The following SCUBE1 variants were observed in gnomAD, a reference collection of about 807,000 sequenced individuals.
The protein encoded by SCUBE1 is signal peptide, CUB domain and EGF like domain containing 1, also known as signal peptide, CUB and EGF-like domain-containing protein 1.
A neutral mutation model predicts 124.4 loss-of-function variants in SCUBE1; 59 were observed. The observed-to-expected ratio is 0.47, with a 90% CI of 0.38 to 0.59. SCUBE1 has a LOEUF of 0.59. Ranked by LOEUF, SCUBE1 falls within the 20% of genes least tolerant of loss-of-function variation. SCUBE1 has a pLI of 0.00. For missense variants in SCUBE1, 1,150 were observed against 1,371.2 expected, an observed-to-expected ratio of 0.84 and a Z score of 2.55; for synonymous variants, 545 against 550.9, an observed-to-expected ratio of 0.99 and a Z score of 0.15.
In SCUBE1 at chr22:43,258,272, G is replaced by A. The variant is rs73420094; in HGVS notation, c.674C>T (p.Thr225Met). ...GGCGTACTTCTGGTGGCAACCACAC[G>A]TGGGGCCTGTGTCTGTGTCCTCACA... ...HSCEDTDTGP[T>M]CGCHQKYALH... Residue 225 changes from threonine (T) to methionine (M), a missense_variant, in exon 6 of 22, where the codon ACG (threonine) becomes ATG (methionine). Coordinates refer to ENST00000360835, the MANE Select transcript of SCUBE1 (RefSeq NM_173050.5). This position sits in a 1 kb window ranked among gnomAD's most constrained non-coding sequence, Gnocchi z 5.0. 10,664 of 1,614,102 alleles carry A rather than the reference G, an allele frequency of 6.6e-3. 239 individuals carry two copies. In the African/African-American group the frequency reaches 0.08, roughly 12 times the overall value.
chr22:43,226,515 G>A (rs1018622719), intron 10 of SCUBE1, among the ~76,000 whole-genome samples: 1 of 151,978 alleles, frequency 6.6e-6, no homozygotes, highest in Non-Finnish European at 1.5e-5. Flanking sequence ...GGCGTGAAGC[G>A]AGGGAGACAG....
intron 2 of SCUBE1, among the ~76,000 whole-genome samples, chr22:43,333,054 G>C (rs1010830953): frequency 1.3e-5 from 2 of 152,314 alleles, no homozygotes; most frequent in South Asian, 4.1e-4. Flanking sequence ...TCCAGGAGGA[G>C]ACGTGGGAAA....
intron 2 of SCUBE1, among the ~76,000 whole-genome samples, chr22:43,337,299 C>T (rs1013092195): frequency 3.3e-5 from 5 of 152,110 alleles, no homozygotes; most frequent in South Asian, 2.1e-4. Flanking sequence ...TAAGGCCTCC[C>T]GGGCAGGGGA....
chr22:43,312,913 G>C (rs534614532), intron 3 of SCUBE1, among the ~76,000 whole-genome samples: 1 of 152,200 alleles, frequency 6.6e-6, no homozygotes, highest in Non-Finnish European at 1.5e-5. Flanking sequence ...ACTATGGGGC[G>C]GGGGTGGGCA....
At position 43,294,532 on chromosome 22, in the gene SCUBE1, T is replaced by C. The variant is rs548938556; in HGVS notation, c.350-3352A>G. Among the ~76,000 whole-genome samples, 254 of 152,210 alleles carry C rather than the reference T, an allele frequency of 1.7e-3. 11 individuals carry two copies. In the South Asian group the frequency reaches 0.051, roughly 31 times the overall value. On this transcript the variant is annotated intron_variant, in intron 3 of 21. Transcript: ENST00000360835. ...CACACCGCCCCATGGTCCCCCAGCATTTGGCACACTCTATTATGAGAGGTG... is the reference window on the plus strand; with the variant it reads ...CACACCGCCCCATGGTCCCCCAGCACTTGGCACACTCTATTATGAGAGGTG...
At chr22:43,321,604 G>C (rs922234050) in intron 2 of SCUBE1, among the ~76,000 whole-genome samples, 1 of 152,238 alleles carries the variant, frequency 6.6e-6, no homozygotes, top group Non-Finnish European at 1.5e-5. Context: ...GCCACTCTTG[G>C]TGTCCACCCA....
Position 43,238,382 on chromosome 22 carries a change from G to A in SCUBE1, c.844+456C>T, listed in dbSNP as rs1412322866. 11 of 342,678 alleles carry A rather than the reference G, an allele frequency of 3.2e-5. No homozygotes were observed. The South Asian group carries it at 5.7e-4, about 18-fold the overall frequency. The allele number at this position is 342,678 out of a possible 1,614,324, so 21.2% of individuals were successfully genotyped here. A position where few individuals can be genotyped will look rare whatever the true frequency, so the allele number is the denominator to read the frequency against. On this transcript the variant is annotated intron_variant, in intron 7 of 21. Transcript: ENST00000360835. The stretch of plus-strand genomic sequence containing the variant: ...TTTTTCCTGGCATGAGTAGACCTGT[G>A]TGTCCCAGATGGCCCAACACCAGAC...
rs1292850300 is a variant in SCUBE1 at position 43,212,605 on chromosome 22, G to C, written c.2054-13C>G. 9 of 1,558,918 alleles carry C rather than the reference G, an allele frequency of 5.8e-6. No homozygotes were observed. On this transcript the variant is annotated splice_polypyrimidine_tract_variant and intron_variant, in intron 16 of 21. Transcript: ENST00000360835. ...GGAGAACACTGGCCTGAAAGTCAGAGGTCATGGCTCAGGCGGGCAGGAGGG... is the reference window on the plus strand; with the variant it reads ...GGAGAACACTGGCCTGAAAGTCAGACGTCATGGCTCAGGCGGGCAGGAGGG...
At chr22:43,334,039 G>C (rs527894589) in intron 2 of SCUBE1, among the ~76,000 whole-genome samples, 1 of 152,322 alleles carries the variant, frequency 6.6e-6, no homozygotes, top group East Asian at 1.9e-4. Context: ...CAGTCAGTGA[G>C]ATCTGCAGGA....
chr22:43,217,538 A>G (rs914318513), intron 15 of SCUBE1, among the ~76,000 whole-genome samples: 1 of 152,050 alleles, frequency 6.6e-6, no homozygotes, highest in Non-Finnish European at 1.5e-5. Context: ...TTCCCGTAAG[A>G]GCGCGCATGA....
In SCUBE1 at chr22:43,229,105, C is replaced by T. The variant is rs1360829341; in HGVS notation, c.1051G>A (p.Gly351Ser). The change falls in exon 9 of 22, where the codon GGC becomes AGC. Residue 351 changes from glycine (G) to serine (S), a missense_variant. This residue lies in a region of SCUBE1 where 337 missense variants were observed against 482.1 expected (regional missense o/e 0.70). Transcript: ENST00000360835. ...TGGGTTGTCCCGTAGAGGATGTAGC[C>T]GCGGTGACACAGGCACTGGAAGCTG... Reference protein sequence around the residue: ...PGSFQCLCHRGYILYGTTHCG... With the variant: ...PGSFQCLCHRSYILYGTTHCG... The T allele has an allele frequency of 1.2e-5, 19 of 1,613,584 alleles. No individual in the cohort carries two copies. The highest frequency in any genetic ancestry group is 2.2e-5 in the East Asian group (1 of 44,888).
At chr22:43,293,892 C>T (rs1259916802) in intron 3 of SCUBE1, among the ~76,000 whole-genome samples, 2 of 152,208 alleles carry the variant, frequency 1.3e-5, no homozygotes, top group Admixed American at 6.5e-5. Flanking sequence ...TCCCTGGCGC[C>T]GCCCATCTGC....
intron 6 of SCUBE1, among the ~76,000 whole-genome samples, chr22:43,252,505 G>C (rs1421817616): frequency 6.6e-6 from 1 of 152,190 alleles, no homozygotes; most frequent in Non-Finnish European, 1.5e-5. Context: ...CGTGGTCCAG[G>C]TTCTGACCTT....
rs1921014376 is a variant in SCUBE1, at chr22:43,201,609, C to T, written c.*2388G>A. ...ACATCCATCTTCCTCGTTCTCGGGG[C>T]TTTGGATGCTGGGACTCACAGGGTG... On this transcript the variant is annotated 3_prime_UTR_variant, in exon 22 of 22. Transcript: ENST00000360835. 1 of 152,172 alleles carries T rather than the reference C, an allele frequency of 6.6e-6. No homozygotes were observed. Among genetic ancestry groups the T allele is most frequent in the Non-Finnish European group, 1.5e-5 (1 of 68,048 alleles). The allele number at this position is 152,172 out of a possible 1,614,324, so 9.4% of individuals were successfully genotyped here.
chr22:43,207,834 C>T (rs1274941907), intron 20 of SCUBE1, among the ~76,000 whole-genome samples: 1 of 152,208 alleles, frequency 6.6e-6, no homozygotes. Context: ...CCCTCAAAAC[C>T]CTGCTTGGGC....
chr22:43,283,409 T>C (rs1383633527), intron 4 of SCUBE1: 1 of 152,172 alleles, frequency 6.6e-6, no homozygotes, highest in Non-Finnish European at 1.5e-5. Context: ...GTTCAAGGAA[T>C]TGCAATGGAT....
chr22:43,332,114 C>T (rs1926922073), intron 2 of SCUBE1, among the ~76,000 whole-genome samples: 1 of 152,048 alleles, frequency 6.6e-6, no homozygotes, highest in Non-Finnish European at 1.5e-5. Context: ...TGGTGAAACC[C>T]CATCTCTACT....
At chr22:43,324,700 A>G (rs1303241019) in intron 2 of SCUBE1, among the ~76,000 whole-genome samples, 2 of 151,842 alleles carry the variant, frequency 1.3e-5, no homozygotes, top group African/African-American at 4.8e-5. Flanking sequence ...CCTCCAAGAC[A>G]CTCATCAGGC....
In SCUBE1 at chr22:43,198,523, G is replaced by C. The variant is rs1001098493; in HGVS notation, c.*5474C>G. The stretch of plus-strand genomic sequence containing the variant: ...GTGCTGTGGGGGCAGAGGCAGCCGC[G>C]GTAGAATAGGAGGCGCTCTCTGCTC... On this transcript the variant is annotated 3_prime_UTR_variant, in exon 22 of 22. Transcript: ENST00000360835. The C allele has an allele frequency of 2.2e-6, 1 of 456,520 alleles. No individual in the cohort carries two copies. Among genetic ancestry groups the C allele is most frequent in the Non-Finnish European group, 4.4e-6 (1 of 226,858 alleles). 28.3% of individuals were successfully genotyped at this position (456,520 alleles called of 1,614,324 possible). A position where few individuals can be genotyped will look rare whatever the true frequency, so the allele number is the denominator to read the frequency against.
Sources: gnomAD v4.1 joint callset for allele counts (sites outside exome capture counted in the v4.1 genomes callset) on GRCh38, gnomAD v4.1.1 for gene constraint, gnomAD v4.1.1 regional missense constraint, Gnocchi (gnomAD v3.1) non-coding constraint, MANE v1.5 for transcripts, NCBI Gene and HGNC (gene_info 2026-07-23, HGNC 2026-07-21) for gene names.